VAV3: variants seen among roughly 807,000 people sequenced by gnomAD.
VAV3 encodes the protein guanine nucleotide exchange factor VAV3.
VAV3 carries 94 observed loss-of-function variants against 131.2 expected under a neutral mutation model. That is an observed-to-expected ratio of 0.72 (90% confidence interval 0.61 to 0.85). The LOEUF (loss-of-function observed/expected upper bound fraction) is 0.85, where lower values mean the gene tolerates loss of function less well. Among genes scored for constraint, VAV3 ranks in the 40% least tolerant of loss-of-function variants. The pLI is 0.00. For synonymous variants in VAV3, 349 were observed against 342.0 expected, an observed-to-expected ratio of 1.02 and a Z score of -0.22; for missense variants, 939 against 1,002.7, an observed-to-expected ratio of 0.94 and a Z score of 0.86.
At chr1:107,840,204 AAT>A (rs1426758515) in intron 2 of VAV3, among the ~76,000 whole-genome samples, 1 of 152,148 alleles carries the variant, frequency 6.6e-6, no homozygotes, top group East Asian at 1.9e-4. Flanking sequence ...TTGTAAATGT[AAT>A]GTTGTAAATG....
chr1:107,734,430 C>A (rs1294161356), intron 15 of VAV3, among the ~76,000 whole-genome samples: 1 of 152,158 alleles, frequency 6.6e-6, no homozygotes, highest in Non-Finnish European at 1.5e-5. Context: ...GATAAAGAGA[C>A]AAGACCCATC....
chr1:107,797,088 T>A (rs1417998357), intron 2 of VAV3, among the ~76,000 whole-genome samples: 1 of 152,170 alleles, frequency 6.6e-6, no homozygotes, highest in Non-Finnish European at 1.5e-5. Context: ...GATTATCAGC[T>A]ACCATTTTTC....
intron 20 of VAV3, among the ~76,000 whole-genome samples, chr1:107,637,392 G>A (rs978683362): frequency 6.6e-6 from 1 of 152,164 alleles, no homozygotes; most frequent in African/African-American, 2.4e-5. Flanking sequence ...GGAGGCTGAG[G>A]AGGGCAGATC....
At chr1:107,635,430 T>C (rs1654843180) in intron 20 of VAV3, among the ~76,000 whole-genome samples, 1 of 120,296 alleles carries the variant, frequency 8.3e-6, no homozygotes, top group Admixed American at 1.1e-4. Flanking sequence ...TGAGAACACA[T>C]GGACACAGGA....
At chr1:107,635,025 C>T (rs1315044809) in intron 20 of VAV3, among the ~76,000 whole-genome samples, 1 of 151,772 alleles carries the variant, frequency 6.6e-6, no homozygotes, top group East Asian at 1.9e-4. Flanking sequence ...GTTGGTGGGA[C>T]TGTAAACTAG....
chr1:107,882,432 C>T (rs533278984), intron 1 of VAV3, among the ~76,000 whole-genome samples: 5 of 152,132 alleles, frequency 3.3e-5, no homozygotes, highest in African/African-American at 9.7e-5. Context: ...ACAGAAGAGA[C>T]GACCATGAAA....
At chr1:107,960,033 T>A (rs1306321866) in intron 1 of VAV3, among the ~76,000 whole-genome samples, 1 of 152,228 alleles carries the variant, frequency 6.6e-6, no homozygotes, top group Non-Finnish European at 1.5e-5. Flanking sequence ...ATTCAGAGCC[T>A]ATTCTTCCCA....
intron 25 of VAV3, among the ~76,000 whole-genome samples, chr1:107,577,402 T>C (rs2100991680): frequency 6.6e-6 from 1 of 152,276 alleles, no homozygotes; most frequent in East Asian, 1.9e-4. Flanking sequence ...AAAAGGAAGG[T>C]GTGGTTGTAT....
intron 2 of VAV3, among the ~76,000 whole-genome samples, chr1:107,787,682 T>A (rs1666083407): frequency 6.6e-6 from 1 of 152,224 alleles, no homozygotes; most frequent in Non-Finnish European, 1.5e-5. Flanking sequence ...TTGCACCTTA[T>A]TCTCTGAGAA....
At chr1:107,576,451 G>T in intron 25 of VAV3, 1 of 1,519,896 alleles carries the variant, frequency 6.6e-7, no homozygotes, top group Non-Finnish European at 8.8e-7. Flanking sequence ...AGTTACAAAA[G>T]AAAAGCCACA....
intron 3 of VAV3, 83 bp downstream of exon 3, chr1:107,779,351 A>T: frequency 7.8e-7 from 1 of 1,277,472 alleles, no homozygotes; most frequent in Non-Finnish European, 1.1e-6. Context: ...TGTGTGCAAG[A>T]TGCTTCACAA....
At chr1:107,730,876 G>A (rs1009897206) in intron 15 of VAV3, among the ~76,000 whole-genome samples, 1 of 152,094 alleles carries the variant, frequency 6.6e-6, no homozygotes, top group African/African-American at 2.4e-5. Context: ...AGGCAGCATG[G>A]TATGAGAGAA....
At chr1:107,672,413 T>C (rs897128653) in intron 19 of VAV3, among the ~76,000 whole-genome samples, 7 of 152,026 alleles carry the variant, frequency 4.6e-5, no homozygotes, top group African/African-American at 1.7e-4. Context: ...AATAAGTTAT[T>C]ACTTAAAAAT....
chr1:107,734,555 CA>C (rs1662469448), intron 15 of VAV3, among the ~76,000 whole-genome samples: 1 of 152,090 alleles, frequency 6.6e-6, no homozygotes, highest in African/African-American at 2.4e-5. Context: ...GCAGGCCTTG[CA>C]ATCCTAGTCT....
Position 107,573,969 on chromosome 1 carries a change from C to T in VAV3, c.2502+78G>A, listed in dbSNP as rs983020595. The T allele has an allele frequency of 2.6e-6, 4 of 1,567,154 alleles. No homozygotes were observed. In the African/African-American group the frequency reaches 5.4e-5, roughly 21 times the overall value. The stretch of plus-strand genomic sequence containing the variant: ...TGTAATACAGTATAGAGGCTTCTCC[C>T]TGGTGCCACAATGGGTGCAAACAAC... On this transcript the variant is annotated intron_variant, in intron 26 of 26. Transcript: ENST00000370056.
chr1:107,836,056 G>C (rs76050750), intron 2 of VAV3, among the ~76,000 whole-genome samples: 1 of 152,146 alleles, frequency 6.6e-6, no homozygotes, highest in Non-Finnish European at 1.5e-5. Context: ...AGAGACCCAC[G>C]AAAAGACAGG....
chr1:107,642,809 C>G, intron 19 of VAV3, 54 bp from the exon 20 acceptor site: 1 of 1,597,100 alleles, frequency 6.3e-7, no homozygotes. Context: ...TGCATGAAGT[C>G]TACATGAACT....
At chr1:107,606,403 C>T (rs756803510) in intron 22 of VAV3, among the ~76,000 whole-genome samples, 5 of 152,044 alleles carry the variant, frequency 3.3e-5, no homozygotes, top group African/African-American at 4.8e-5. Context: ...TGCAAAATTT[C>T]GTGATAATGT....
At chr1:107,721,523 A>C (rs903809610) in intron 15 of VAV3, among the ~76,000 whole-genome samples, 1 of 152,184 alleles carries the variant, frequency 6.6e-6, no homozygotes, top group Non-Finnish European at 1.5e-5. Context: ...ACAGAAGAAA[A>C]TGGGTGCTTG....
Sources: gnomAD v4.1 joint callset for allele counts (sites outside exome capture counted in the v4.1 genomes callset) on GRCh38, gnomAD v4.1.1 for gene constraint, MANE v1.5 for transcripts, NCBI Gene and HGNC (gene_info 2026-07-23, HGNC 2026-07-21) for gene names.